Variants in TNC observed in about 807,000 individuals in gnomAD.
TNC encodes the protein tenascin.
TNC carries 109 observed loss-of-function variants against 202.4 expected under a neutral mutation model. The observed-to-expected ratio is 0.54, with a 90% CI of 0.46 to 0.63. The LOEUF is 0.63. Among genes scored for constraint, TNC ranks in the 30% least tolerant of loss-of-function variants. The pLI, the probability that TNC is intolerant of heterozygous loss-of-function variation, is 0.00. For synonymous variants in TNC, 1,007 were observed against 1,089.7 expected, an observed-to-expected ratio of 0.92 and a Z score of 1.50; for missense variants, 2,756 against 2,833.3, an observed-to-expected ratio of 0.97 and a Z score of 0.62.
At chr9:115,082,575 G>C (rs1466029501) in intron 5 of TNC, 117 bp downstream of exon 5, 2 of 668,056 alleles carry the variant, frequency 3.0e-6, no homozygotes, top group Non-Finnish European at 5.2e-6. Context: ...ATGCTAATGA[G>C]AGCCTTGTCC....
rs1410228993 is a variant in TNC, at chr9:115,086,069, C to T, written c.1662G>A (p.Met554Ile). The T allele has an allele frequency of 1.9e-6, 3 of 1,614,104 alleles. No individual in the cohort carries two copies. The highest frequency in any genetic ancestry group is 1.7e-5 in the Admixed American group (1 of 60,018). ...NGQCVCHEGF[M>I]GKDCKEQRCP... ...ATCTTTGCTCCTTGCAGTCTTTGCC[C>T]ATAAATCCTTCATGGCACACGCACT... Residue 554 changes from methionine to isoleucine, a missense_variant, in exon 3 of 28, where the codon ATG becomes ATA. Physicochemically the swap from Met to Ile is conservative, Grantham distance 10. Around this residue, in one of 2 missense-constraint regions of TNC, gnomAD observed 2,559 missense variants for 2,546.0 expected, o/e 1.01. Coordinates refer to ENST00000350763, the MANE Select transcript of TNC (RefSeq NM_002160.4).
chr9:115,092,353 T>C (rs1042191937), intron 1 of TNC, among the ~76,000 whole-genome samples: 3 of 152,198 alleles, frequency 2.0e-5, no homozygotes, highest in Non-Finnish European at 4.4e-5. Flanking sequence ...CTTAGAGCTA[T>C]TCACCTGTAT....
intron 18 of TNC, among the ~76,000 whole-genome samples, chr9:115,041,447 T>A (rs1830752345): frequency 6.6e-6 from 1 of 152,208 alleles, no homozygotes; most frequent in African/African-American, 2.4e-5. Flanking sequence ...GTATGTCAGA[T>A]CTATTGCACC....
At chr9:115,092,074 A>C (rs1477829534) in intron 1 of TNC, among the ~76,000 whole-genome samples, 1 of 152,240 alleles carries the variant, frequency 6.6e-6, no homozygotes, top group African/African-American at 2.4e-5. Context: ...AGAATTAAGA[A>C]GAAAATGGAA....
chr9:115,024,187 T>A, intron 26 of TNC, 51 bp from the exon 27 acceptor site: 1 of 1,588,006 alleles, frequency 6.3e-7, no homozygotes, highest in South Asian at 1.1e-5. Flanking sequence ...GAAATTTCCC[T>A]CCTGGACAGT....
At chr9:115,105,827 C>A (rs2134164658) in intron 1 of TNC, among the ~76,000 whole-genome samples, 1 of 152,248 alleles carries the variant, frequency 6.6e-6, no homozygotes, top group Admixed American at 6.5e-5. Flanking sequence ...TTAAGCCAAA[C>A]AAATTACACA....
At position 115,056,738 on chromosome 9, in the gene TNC, C is replaced by T. The variant is rs147315910; in HGVS notation, c.4579+415G>A. Among the ~76,000 whole-genome samples, 134 of 152,196 alleles carry T rather than the reference C, an allele frequency of 8.8e-4. 1 individual carries two copies. The East Asian group carries it at 0.024, about 27-fold the overall frequency. On this transcript the variant is annotated intron_variant, in intron 15 of 27. Transcript: ENST00000350763. Reference sequence around the variant, plus strand: ...AAATCACTGGGATATTTGGGTATTGCGAGGTCCAAGAGACTAGGAAGACAA... The same window carrying T: ...AAATCACTGGGATATTTGGGTATTGTGAGGTCCAAGAGACTAGGAAGACAA...
chr9:115,072,576 T>C (rs1203825764), intron 10 of TNC, among the ~76,000 whole-genome samples: 1 of 152,190 alleles, frequency 6.6e-6, no homozygotes, highest in Non-Finnish European at 1.5e-5. Context: ...CCATAACACC[T>C]TTGCCAGCTC....
Position 115,063,039 on chromosome 9 carries a change from A to T in TNC, c.3911T>A (p.Val1304Asp), listed in dbSNP as rs765222830. The T allele has an allele frequency of 3.7e-6, 6 of 1,614,142 alleles. No homozygotes were observed. The highest frequency in any genetic ancestry group is 5.1e-6 in the Non-Finnish European group (6 of 1,180,024). The change falls in exon 13 of 28, where the codon GTT (valine) becomes GAT (aspartate). Residue 1304 changes from valine to aspartate, a missense_variant. By Grantham distance (152) the Val-to-Asp change is radical. Around this residue, in one of 2 missense-constraint regions of TNC, gnomAD observed 2,559 missense variants for 2,546.0 expected, o/e 1.01. Transcript: ENST00000350763. Reference sequence around the variant, plus strand: ...TTCCATGGAACGCAGGCTGCCAGGAACCGTGAGATTGTGAGCCTCTTCCAC... The same window carrying T: ...TTCCATGGAACGCAGGCTGCCAGGATCCGTGAGATTGTGAGCCTCTTCCAC... ...DQVEEAHNLT[V>D]PGSLRSMEIP...
intron 10 of TNC, among the ~76,000 whole-genome samples, chr9:115,067,988 C>A (rs1335249974): frequency 1.3e-5 from 2 of 151,758 alleles, no homozygotes; most frequent in Non-Finnish European, 1.5e-5. Flanking sequence ...GGTACAACTT[C>A]CACAAATAAA....
chr9:115,063,183 A>G lies in TNC; in HGVS notation c.3767T>C (p.Val1256Ala). 6.2e-7 allele frequency: 1 copy of G among 1,613,826 alleles called. No individual in the cohort carries two copies. The highest frequency in any genetic ancestry group is 8.5e-7 in the Non-Finnish European group (1 of 1,179,854). Residue 1256 changes from valine (V) to alanine (A), a missense_variant, in exon 13 of 28, where the codon GTT becomes GCT. Physicochemically the swap from Val to Ala is moderately conservative, Grantham distance 64 (BLOSUM62 0). Coordinates refer to ENST00000350763, the MANE Select transcript of TNC (RefSeq NM_002160.4). ...PLSVEVLTEE[V>A]PDMGNLTVTE... Reference sequence around the variant, plus strand: ...CACTGTGAGGTTTCCCATATCTGGAACCTCCTCTGCATAAGGACACAGAGT... The same window carrying G: ...CACTGTGAGGTTTCCCATATCTGGAGCCTCCTCTGCATAAGGACACAGAGT...
chr9:115,055,404 G>A (rs1330365), intron 15 of TNC: 34,663 of 152,458 alleles, frequency 0.23, 4,000 homozygotes, highest in South Asian at 0.24. Context: ...TGAAAAGTGG[G>A]TAGCGGGTGA....
chr9:115,049,246 C>G (rs1427813583), intron 15 of TNC, among the ~76,000 whole-genome samples: 1 of 152,106 alleles, frequency 6.6e-6, no homozygotes, highest in African/African-American at 2.4e-5. Context: ...ACATGTATGT[C>G]CCAGGCATTC....
rs1016701948 is a variant in TNC at position 115,020,467 on chromosome 9, C to T, written c.*690G>A. The stretch of plus-strand genomic sequence containing the variant: ...ACTTACCTTTCCTATCCCAACATTC[C>T]CCGCTTTGTTCAAATGATTGGCTTT... On this transcript the variant is annotated 3_prime_UTR_variant, in exon 28 of 28. Coordinates refer to ENST00000350763, the MANE Select transcript of TNC (RefSeq NM_002160.4). 5.1e-6 allele frequency: 1 copy of T among 196,360 alleles called. No individual in the cohort carries two copies. The highest frequency in any genetic ancestry group is 5.5e-5 in the Admixed American group (1 of 18,348). The allele number at this position is 196,360 out of a possible 1,614,324, so 12.2% of individuals were successfully genotyped here.
intron 7 of TNC, among the ~76,000 whole-genome samples, chr9:115,077,054 C>T (rs927693677): frequency 4.6e-5 from 7 of 151,696 alleles, no homozygotes; most frequent in East Asian, 1.9e-4. Flanking sequence ...CACACCACCA[C>T]GCCCAGTTAT....
At chr9:115,112,423 C>A (rs916654056) in intron 1 of TNC, among the ~76,000 whole-genome samples, 3 of 152,170 alleles carry the variant, frequency 2.0e-5, no homozygotes, top group Admixed American at 1.3e-4. Flanking sequence ...AGTGGAGGGG[C>A]TTTCATTGAA....
chr9:115,099,288 GATA>G (rs1411389361), intron 1 of TNC, among the ~76,000 whole-genome samples: 1 of 152,180 alleles, frequency 6.6e-6, no homozygotes, highest in Non-Finnish European at 1.5e-5. Flanking sequence ...GCCAATGATG[GATA>G]GGTCTTGCCC....
rs543465063 is a variant in TNC at position 115,101,493 on chromosome 9, G to A, written c.-136-10339C>T. Reference sequence around the variant, plus strand: ...CTCCCAAAATGCTAGGGTTACAGGCGTGAGCCACTGCACCTGGCCGCAATT... The same window carrying A: ...CTCCCAAAATGCTAGGGTTACAGGCATGAGCCACTGCACCTGGCCGCAATT... On this transcript the variant is annotated intron_variant, in intron 1 of 27. Coordinates refer to ENST00000350763, the MANE Select transcript of TNC (RefSeq NM_002160.4). 8.5e-5 allele frequency among the ~76,000 whole-genome samples: 13 copies of A among 152,312 alleles called. No individual in the cohort carries two copies. The South Asian group carries it at 2.1e-3, about 24-fold the overall frequency.
intron 26 of TNC, 34 bp downstream of exon 26, chr9:115,026,500 G>A (rs761745906): frequency 6.2e-7 from 1 of 1,605,058 alleles, no homozygotes; most frequent in Non-Finnish European, 8.5e-7. Flanking sequence ...GGTCTCCATG[G>A]CTTTGTAGGC....
Sources: allele counts gnomAD v4.1 joint callset (sites outside exome capture counted in the v4.1 genomes callset), GRCh38; gene constraint gnomAD v4.1.1; regional missense constraint gnomAD v4.1.1; transcripts MANE v1.5; gene names NCBI Gene and HGNC (gene_info 2026-07-23, HGNC 2026-07-21).